DUOX1: variants seen among roughly 807,000 people sequenced by gnomAD.
DUOX1 encodes dual oxidase 1.
A neutral mutation model predicts 181.8 loss-of-function variants in DUOX1; 134 were observed. The observed-to-expected ratio is 0.74, with a 90% CI of 0.64 to 0.85. The LOEUF (loss-of-function observed/expected upper bound fraction) is 0.85, where lower values mean the gene tolerates loss of function less well. DUOX1 is among the 40% of genes least tolerant of loss of function. DUOX1 has a pLI of 0.00. For missense variants in DUOX1, 1,814 were observed against 2,064.4 expected (o/e 0.88, Z 2.35); for synonymous variants, 798 against 832.5 (o/e 0.96, Z 0.71).
Position 45,153,897 on chromosome 15 carries a change from AAAAGAG to A in DUOX1, c.3525-52_3525-47del. 1.2e-5 allele frequency: 18 copies of A among 1,514,738 alleles called. No individual in the cohort carries two copies. In the African/African-American group the frequency reaches 2.4e-4, roughly 20 times the overall value. 93.8% of individuals were successfully genotyped at this position (1,514,738 alleles called of 1,614,324 possible). Reference sequence around the variant, plus strand: ...GCAAGACTCTGCCTCAAAAAAAAAAAAAAGAGAGAGAGATCTCCTCTCAAGGTGTCT... The same window carrying A: ...GCAAGACTCTGCCTCAAAAAAAAAAAAGAGAGATCTCCTCTCAAGGTGTCT... On this transcript the variant is annotated intron_variant, in intron 26 of 33. Coordinates refer to ENST00000389037, the MANE Select transcript of DUOX1 (RefSeq NM_175940.3).
chr15:45,142,902 G>C (rs1017235938), intron 15 of DUOX1, among the ~76,000 whole-genome samples: 20 of 152,042 alleles, frequency 1.3e-4, no homozygotes, highest in African/African-American at 4.8e-4. Flanking sequence ...AGCCTGGTGG[G>C]GTGAGTCTAG....
At position 45,161,743 on chromosome 15, in the gene DUOX1, A is replaced by T; in HGVS notation, c.3862A>T (p.Thr1288Ser). 1 of 1,613,262 alleles carries T rather than the reference A, an allele frequency of 6.2e-7. No homozygotes were observed. The highest frequency in any genetic ancestry group is 8.5e-7 in the Non-Finnish European group (1 of 1,179,944). Residue 1288 changes from threonine (T) to serine (S), a missense_variant, in exon 30 of 34, where the codon ACC becomes TCC. Physicochemically the swap from Thr to Ser is moderately conservative, Grantham distance 58. Coordinates refer to ENST00000389037, the MANE Select transcript of DUOX1 (RefSeq NM_175940.3). The stretch of plus-strand genomic sequence containing the variant: ...CACCCACCATCCCTCCCCAGGAGTG[A>T]CCCACCTGCGGTTCCAGCGGCCCCA... ...VKAELLPSGV[T>S]HLRFQRPQGF...
At chr15:45,164,465 C>CT (rs367822535) in intron 33 of DUOX1, among the ~76,000 whole-genome samples, 2,849 of 141,724 alleles carry the variant, frequency 0.02, 39 homozygotes, top group Non-Finnish European at 0.028. Flanking sequence ...GCACTGCTGG[C>CT]TTTTTTTTTT....
intron 23 of DUOX1, 134 bp from the exon 24 acceptor site, chr15:45,151,740 C>A: frequency 2.2e-6 from 2 of 925,066 alleles, no homozygotes; most frequent in Non-Finnish European, 3.3e-6. Flanking sequence ...CCTTCTTCCA[C>A]AAGGGTAACT....
At chr15:45,143,975 C>T (rs756728758) in intron 16 of DUOX1, 61 bp from the exon 17 acceptor site, 23 of 1,570,494 alleles carry the variant, frequency 1.5e-5, no homozygotes, top group Non-Finnish European at 1.9e-5. Context: ...AGCTGGCCCT[C>T]TTCCTCCCAA....
chr15:45,164,044 G>A (rs1897170297), intron 33 of DUOX1, 126 bp downstream of exon 33: 1 of 1,416,086 alleles, frequency 7.1e-7, no homozygotes, highest in African/African-American at 1.4e-5. Context: ...GGAGATTGGT[G>A]GGGTAATGGA....
intron 25 of DUOX1, 147 bp from the exon 26 acceptor site, chr15:45,153,219 TAAAAAAAAAAAAAA>T (rs71114313): frequency 2.0e-5 from 4 of 200,416 alleles, no homozygotes; most frequent in African/African-American, 1.5e-4. Context: ...AGACTCCATC[TAAAAAAAAAAAAAA>T]AAAAAAAAAA....
At chr15:45,161,991 A>G (rs762379096) in intron 30 of DUOX1, 21 bp downstream of exon 30, 1 of 1,588,846 alleles carries the variant, frequency 6.3e-7, no homozygotes, top group Non-Finnish European at 8.6e-7. Context: ...CTGGCCAGAC[A>G]TGCCACATGC....
Position 45,148,450 on chromosome 15 carries a change from G to A in DUOX1, c.2818+3G>A, listed in dbSNP as rs1295857727. On this transcript the variant is annotated splice_donor_region_variant and intron_variant, in intron 21 of 33. Transcript: ENST00000389037. Reference sequence around the variant, plus strand: ...CTTCACGCAGCTCTGTGTCAAAGGTGGGGCAGCCTGGTAGGCAGCACTGAC... The same window carrying A: ...CTTCACGCAGCTCTGTGTCAAAGGTAGGGCAGCCTGGTAGGCAGCACTGAC... 6.2e-7 allele frequency: 1 copy of A among 1,608,950 alleles called. No homozygotes were observed. The highest frequency in any genetic ancestry group is 1.7e-5 in the Admixed American group (1 of 59,904).
chr15:45,133,710 G>C (rs971757870), intron 2 of DUOX1, among the ~76,000 whole-genome samples, 154 bp from the exon 3 acceptor site: 2 of 152,124 alleles, frequency 1.3e-5, no homozygotes, highest in Non-Finnish European at 2.9e-5. Flanking sequence ...CTTTGCCCTG[G>C]TTTTTCCCTC....
intron 17 of DUOX1, 29 bp from the exon 18 acceptor site, chr15:45,144,866 G>T: frequency 6.3e-7 from 1 of 1,576,252 alleles, no homozygotes; most frequent in East Asian, 2.2e-5. Context: ...CTTGGCAAAT[G>T]GTTGCTTTTG....
At chr15:45,140,768 A>G (rs1222261326) in intron 12 of DUOX1, 127 bp from the exon 13 acceptor site, 3 of 915,542 alleles carry the variant, frequency 3.3e-6, no homozygotes, top group Middle Eastern at 3.0e-4. Context: ...TAAGCACTGT[A>G]TAGGAGTGAG....
In DUOX1 at chr15:45,136,536, G is replaced by A. The variant is rs202146742; in HGVS notation, c.933G>A (p.Arg311=). ...CTTCTCCTATTTCCCCAGGATACCG[G>A]CCATTTCTGGACCCCAGCATCTCCT... ...QKTLPEYTGY[R]PFLDPSISSE... is the part of the protein sequence containing the mutation. Residue 311 remains arginine (R), a synonymous_variant, in exon 9 of 34, where the codon CGG becomes CGA. Transcript: ENST00000389037. 2.9e-4 allele frequency: 470 copies of A among 1,614,162 alleles called. No individual in the cohort carries two copies. In the Admixed American group the frequency reaches 7.8e-3, roughly 27 times the overall value.
At position 45,163,552 on chromosome 15, in the gene DUOX1, G is replaced by A. The variant is rs377293431; in HGVS notation, c.4269G>A (p.Thr1423=). ...CCCAGATCTACTTCATCTGGGTGAC[G>A]CGGACCCAGCGTCAGTTTGAGTGGC... ...FCKKIYFIWV[T]RTQRQFEWLA... The change falls in exon 32 of 34, where the codon ACG becomes ACA. Residue 1423 remains threonine (T), a synonymous_variant. Transcript: ENST00000389037. The A allele has an allele frequency of 3.5e-5, 56 of 1,614,034 alleles. No homozygotes were observed. In the East Asian group the frequency reaches 5.1e-4, roughly 15 times the overall value.
At chr15:45,161,640 T>A (rs935603912) in intron 29 of DUOX1, 98 bp from the exon 30 acceptor site, 2 of 1,100,998 alleles carry the variant, frequency 1.8e-6, no homozygotes, top group African/African-American at 1.6e-5. Flanking sequence ...TTTGTCATAT[T>A]CCAGAAGCAG....
At chr15:45,161,118 A>C in intron 29 of DUOX1, 128 bp downstream of exon 29, 1 of 1,423,102 alleles carries the variant, frequency 7.0e-7, no homozygotes, top group Non-Finnish European at 9.5e-7. Flanking sequence ...GGCAGGGACA[A>C]AGGAGCTGGT....
At chr15:45,149,613 C>A (rs1330081278) in intron 21 of DUOX1, among the ~76,000 whole-genome samples, 1 of 152,156 alleles carries the variant, frequency 6.6e-6, no homozygotes, top group African/African-American at 2.4e-5. Flanking sequence ...CTTTGGGAGG[C>A]CAAAGTGGGA....
At position 45,147,979 on chromosome 15, in the gene DUOX1, A is replaced by T; in HGVS notation, c.2624A>T (p.Glu875Val). ...GGGAATGGCCTCATTTCCAAGGATGAGTTCATCAGGATGCTGAGGTTTGTT... is the reference window on the plus strand; with the variant it reads ...GGGAATGGCCTCATTTCCAAGGATGTGTTCATCAGGATGCTGAGGTTTGTT... ...FDGNGLISKD[E>V]FIRMLRSFIE... Residue 875 changes from glutamate (E) to valine (V), a missense_variant, in exon 20 of 34, where the codon GAG (glutamate) becomes GTG (valine). By Grantham distance (121) the Glu-to-Val change is moderately radical. Transcript: ENST00000389037. 2 of 1,614,024 alleles carry T rather than the reference A, an allele frequency of 1.2e-6. No homozygotes were observed. The highest frequency in any genetic ancestry group is 1.7e-6 in the Non-Finnish European group (2 of 1,179,862).
At chr15:45,151,003 G>A (rs1183601402) in intron 22 of DUOX1, 120 bp from the exon 23 acceptor site, 3 of 1,411,290 alleles carry the variant, frequency 2.1e-6, no homozygotes, top group Non-Finnish European at 2.9e-6. Flanking sequence ...GAATCCTGCT[G>A]TCCCCTTGCT....
Sources: gnomAD v4.1 joint callset for allele counts (sites outside exome capture counted in the v4.1 genomes callset) on GRCh38, gnomAD v4.1.1 for gene constraint, MANE v1.5 for transcripts, NCBI Gene and HGNC (gene_info 2026-07-23, HGNC 2026-07-21) for gene names.